KCNQ3: variants seen among roughly 807,000 people sequenced by gnomAD.
KCNQ3 encodes the protein potassium voltage-gated channel subfamily Q member 3.
In KCNQ3, 30 loss-of-function variants were observed where a neutral mutation model predicts 92.5. The observed-to-expected ratio is 0.32, with a 90% CI of 0.24 to 0.44. The LOEUF (loss-of-function observed/expected upper bound fraction) is 0.44, where lower values mean the gene tolerates loss of function less well. KCNQ3 is among the 20% of genes least tolerant of loss of function. The pLI is 1.00. For synonymous variants in KCNQ3, 450 were observed against 468.8 expected (o/e 0.96, Z 0.52); for missense variants, 913 against 1,140.3 (o/e 0.80, Z 2.87).
At chr8:132,429,797 G>T (rs1008463273) in intron 1 of KCNQ3, among the ~76,000 whole-genome samples, 1 of 149,398 alleles carries the variant, frequency 6.7e-6, no homozygotes, top group African/African-American at 2.5e-5. Context: ...GGAGGCGGAG[G>T]TTGCAGTGAG....
intron 5 of KCNQ3, among the ~76,000 whole-genome samples, chr8:132,174,780 A>G (rs545226895): frequency 1.3e-5 from 2 of 152,258 alleles, no homozygotes; most frequent in African/African-American, 2.4e-5. Context: ...TTACATGTTT[A>G]TGTTATCAGT....
intron 8 of KCNQ3, among the ~76,000 whole-genome samples, chr8:132,166,407 A>G (rs1826145316): frequency 1.3e-5 from 2 of 152,164 alleles, no homozygotes; most frequent in African/African-American, 4.8e-5. Context: ...ATAAGAACGT[A>G]TAATCTGCCA....
intron 9 of KCNQ3, 109 bp from the exon 10 acceptor site, chr8:132,141,440 C>T: frequency 3.1e-6 from 3 of 970,890 alleles, no homozygotes; most frequent in Middle Eastern, 4.2e-4. Flanking sequence ...AAATGGGGAC[C>T]GTGCATTTCA....
chr8:132,148,194 G>A (rs1453211784), intron 9 of KCNQ3, among the ~76,000 whole-genome samples: 1 of 152,168 alleles, frequency 6.6e-6, no homozygotes, highest in African/African-American at 2.4e-5. Flanking sequence ...AGGGGGTCTG[G>A]AACTTGACGG....
At chr8:132,159,984 G>T (rs772199048) in intron 9 of KCNQ3, among the ~76,000 whole-genome samples, 4 of 152,146 alleles carry the variant, frequency 2.6e-5, no homozygotes, top group African/African-American at 4.8e-5. Flanking sequence ...ATAATGCAGC[G>T]AATAAAACAG....
At chr8:132,134,970 G>T (rs1825034365) in intron 12 of KCNQ3, among the ~76,000 whole-genome samples, 1 of 152,094 alleles carries the variant, frequency 6.6e-6, no homozygotes, top group Non-Finnish European at 1.5e-5. Context: ...TCTGCATGAG[G>T]CACCAGCTCC....
At chr8:132,250,816 G>A (rs1815383110) in intron 1 of KCNQ3, among the ~76,000 whole-genome samples, 1 of 152,100 alleles carries the variant, frequency 6.6e-6, no homozygotes, top group Non-Finnish European at 1.5e-5. Flanking sequence ...TACTCAAAGA[G>A]GGTGATCTCA....
chr8:132,453,563 T>C (rs1375087751), intron 1 of KCNQ3, among the ~76,000 whole-genome samples: 1 of 152,052 alleles, frequency 6.6e-6, no homozygotes, highest in Non-Finnish European at 1.5e-5. Context: ...TCTAGGCGGG[T>C]GGTGTCCCTG....
At chr8:132,448,208 AG>A (rs1175001378) in intron 1 of KCNQ3, among the ~76,000 whole-genome samples, 2 of 152,144 alleles carry the variant, frequency 1.3e-5, no homozygotes, top group African/African-American at 2.4e-5. Context: ...GTGGGGAATA[AG>A]GGTTCTGCAG....
At chr8:132,447,230 G>A (rs1318451712) in intron 1 of KCNQ3, 3 of 1,535,516 alleles carry the variant, frequency 2.0e-6, no homozygotes, top group Non-Finnish European at 2.6e-6. Context: ...GCTTCATAAG[G>A]TAATGAATGC....
chr8:132,436,667 C>T (rs1563911623), intron 1 of KCNQ3, among the ~76,000 whole-genome samples: 1 of 152,132 alleles, frequency 6.6e-6, no homozygotes, highest in Non-Finnish European at 1.5e-5. Flanking sequence ...ATGTATTTCA[C>T]GTGAGGTTTT....
At position 132,129,313 on chromosome 8, in the gene KCNQ3, T is replaced by C. The variant is rs774499417; in HGVS notation, c.2568A>G (p.Thr856=). Residue 856 remains threonine, a synonymous_variant, in exon 15 of 15, where the codon ACA becomes ACG. Coordinates refer to ENST00000388996, the MANE Select transcript of KCNQ3 (RefSeq NM_004519.4). This position sits in a 1 kb window ranked among gnomAD's most constrained non-coding sequence, Gnocchi z 5.9. ...ATACTGAATCAGAAATCCCATCCCC[T>C]GTGGACGACAGAGGCATGGAGCCGC... The part of the protein sequence containing the change: ...TPSGSMPLSS[T]GDGISDSVWT... The C allele has an allele frequency of 1.2e-6, 2 of 1,614,106 alleles. No homozygotes were observed. Among genetic ancestry groups the C allele is most frequent in the South Asian group, 2.2e-5 (2 of 91,090 alleles).
At chr8:132,171,259 G>A (rs931607696) in intron 7 of KCNQ3, among the ~76,000 whole-genome samples, 1 of 152,056 alleles carries the variant, frequency 6.6e-6, no homozygotes, top group Admixed American at 6.6e-5. Context: ...AACTGGGACA[G>A]GCCTAGGAAC....
At chr8:132,283,092 C>CGTGTGTGT (rs1195934839) in intron 1 of KCNQ3, among the ~76,000 whole-genome samples, 5,406 of 130,510 alleles carry the variant, frequency 0.041, 151 homozygotes, top group African/African-American at 0.084. Context: ...CTCTCTCTCT[C>CGTGTGTGT]GTGTGTGTGT....
chr8:132,433,999 G>T (rs1255845912), intron 1 of KCNQ3, among the ~76,000 whole-genome samples: 3 of 152,084 alleles, frequency 2.0e-5, no homozygotes, highest in African/African-American at 7.2e-5. Flanking sequence ...ACGAGGTCAG[G>T]AGATCGAGAC....
chr8:132,163,427 C>T, intron 9 of KCNQ3, 41 bp downstream of exon 9: 2 of 1,560,778 alleles, frequency 1.3e-6, no homozygotes, highest in Non-Finnish European at 1.8e-6. Flanking sequence ...TCTGTCTTGA[C>T]ACAGAGATGT....
intron 1 of KCNQ3, among the ~76,000 whole-genome samples, chr8:132,374,507 C>T (rs1352434443): frequency 6.6e-6 from 1 of 152,196 alleles, no homozygotes; most frequent in Admixed American, 6.5e-5. Context: ...ACACCCCTCC[C>T]GGAAAGCTAA....
chr8:132,351,564 C>G (rs188944726), intron 1 of KCNQ3, among the ~76,000 whole-genome samples: 6 of 152,296 alleles, frequency 3.9e-5, no homozygotes, highest in Admixed American at 3.9e-4. Context: ...TTCCCTCCTC[C>G]ACAGTGGCTG....
At chr8:132,461,488 C>G (rs1822061027) in intron 1 of KCNQ3, among the ~76,000 whole-genome samples, 1 of 152,116 alleles carries the variant, frequency 6.6e-6, no homozygotes, top group African/African-American at 2.4e-5. Flanking sequence ...TTGCTTGAAC[C>G]CAGGAGGTGA....
Sources: gnomAD v4.1 joint callset for allele counts (sites outside exome capture counted in the v4.1 genomes callset) on GRCh38, gnomAD v4.1.1 for gene constraint, Gnocchi (gnomAD v3.1) non-coding constraint, MANE v1.5 for transcripts, NCBI Gene and HGNC (gene_info 2026-07-23, HGNC 2026-07-21) for gene names.